Variants in DCC observed in about 807,000 individuals in gnomAD.
DCC encodes netrin receptor DCC.
Under a neutral mutation model 172.5 loss-of-function variants are expected in DCC, and 58 were observed. That is an observed-to-expected ratio of 0.34 (90% CI 0.27 to 0.42). DCC has a LOEUF of 0.42. Among genes scored for constraint, DCC ranks in the 10% least tolerant of loss-of-function variants. The pLI, the probability that DCC is intolerant of heterozygous loss-of-function variation, is 1.00. For missense variants in DCC, 1,740 were observed against 1,791.0 expected (o/e 0.97, Z 0.51); for synonymous variants, 709 against 644.5 (o/e 1.10, Z -1.52).
intron 13 of DCC, among the ~76,000 whole-genome samples, chr18:53,306,883 G>A (rs1303151279): frequency 6.6e-6 from 1 of 152,046 alleles, no homozygotes; most frequent in Non-Finnish European, 1.5e-5. Flanking sequence ...ACATAAACTG[G>A]GTCAGGACAA....
intron 1 of DCC, among the ~76,000 whole-genome samples, chr18:52,394,203 T>C (rs1385746942): frequency 6.6e-6 from 1 of 152,090 alleles, no homozygotes; most frequent in South Asian, 2.1e-4. Flanking sequence ...ATTGCTGTGT[T>C]GAATGACACT....
chr18:53,098,053 C>T (rs2144206361), intron 7 of DCC, among the ~76,000 whole-genome samples: 1 of 152,172 alleles, frequency 6.6e-6, no homozygotes, highest in East Asian at 1.9e-4. Flanking sequence ...CTAAAATGCC[C>T]CTGTTCTCTG....
chr18:53,375,947 C>G (rs191450287), intron 15 of DCC, among the ~76,000 whole-genome samples: 3 of 152,102 alleles, frequency 2.0e-5, no homozygotes, highest in Middle Eastern at 3.4e-3. Context: ...GAGGAGAAAA[C>G]CTGAACTTAA....
intron 12 of DCC, among the ~76,000 whole-genome samples, chr18:53,261,165 C>G (rs987090835): frequency 6.6e-6 from 1 of 152,170 alleles, no homozygotes; most frequent in Non-Finnish European, 1.5e-5. Context: ...TGAGGTGATG[C>G]CTCGCCCTGC....
At chr18:52,545,811 T>A (rs2032595869) in intron 1 of DCC, among the ~76,000 whole-genome samples, 1 of 152,066 alleles carries the variant, frequency 6.6e-6, no homozygotes, top group Non-Finnish European at 1.5e-5. Context: ...TATAAGGGAG[T>A]GTTGAATTCA....
chr18:52,933,913 T>C (rs1443129597), intron 5 of DCC, among the ~76,000 whole-genome samples: 3 of 151,954 alleles, frequency 2.0e-5, no homozygotes, highest in Admixed American at 6.6e-5. Context: ...TGGTGTCCGT[T>C]TGAGTGTGAA....
chr18:52,676,086 C>A (rs1256962615), intron 1 of DCC, among the ~76,000 whole-genome samples: 2 of 152,194 alleles, frequency 1.3e-5, no homozygotes, highest in Non-Finnish European at 2.9e-5. Flanking sequence ...TCAACTCTTG[C>A]TGTTTAGCAA....
intron 23 of DCC, among the ~76,000 whole-genome samples, chr18:53,455,045 T>C (rs1328074638): frequency 6.6e-6 from 1 of 152,212 alleles, no homozygotes; most frequent in Non-Finnish European, 1.5e-5. Context: ...TGGAAAAGAT[T>C]TGGAAAGAAA....
At chr18:52,498,260 G>T (rs767178116) in intron 1 of DCC, among the ~76,000 whole-genome samples, 17 of 152,014 alleles carry the variant, frequency 1.1e-4, no homozygotes, top group African/African-American at 1.7e-4. Flanking sequence ...ACCTTTCTTG[G>T]GTTGCCCTTG....
intron 8 of DCC, among the ~76,000 whole-genome samples, chr18:53,175,691 T>C (rs1483413475): frequency 2.6e-5 from 4 of 152,054 alleles, no homozygotes; most frequent in African/African-American, 9.7e-5. Context: ...TACAAACAAA[T>C]GGAAGAACAT....
chr18:52,673,683 G>T (rs1189962283), intron 1 of DCC, among the ~76,000 whole-genome samples: 1 of 152,186 alleles, frequency 6.6e-6, no homozygotes, highest in Non-Finnish European at 1.5e-5. Context: ...CATGGACCTT[G>T]ATGGTGTAAA....
intron 7 of DCC, among the ~76,000 whole-genome samples, chr18:53,092,977 T>TTA (rs1555710255): frequency 2.6e-5 from 4 of 151,774 alleles, no homozygotes; most frequent in East Asian, 1.9e-4. Context: ...CATTACTATT[T>TTA]AAAAAAAAGT....
intron 1 of DCC, among the ~76,000 whole-genome samples, chr18:52,739,845 T>C (rs1023180234): frequency 1.3e-5 from 2 of 152,166 alleles, no homozygotes; most frequent in Non-Finnish European, 2.9e-5. Context: ...TAAAAACTGC[T>C]CTATTAATCT....
In DCC at chr18:53,005,648, AAC is replaced by A. The variant is rs1226724868; in HGVS notation, c.986-57656_986-57655del. Among the ~76,000 whole-genome samples the A allele has an allele frequency of 2.0e-5, 3 of 152,304 alleles. No individual in the cohort carries two copies. In the East Asian group the frequency reaches 5.8e-4, roughly 29 times the overall value. Reference sequence around the variant, plus strand: ...GAGACTGAGCCAGGAGAATCGATTGAACCCCAGAGGTGGAGCTTGCAGTGAGC... The same window carrying A: ...GAGACTGAGCCAGGAGAATCGATTGACCCAGAGGTGGAGCTTGCAGTGAGC... On this transcript the variant is annotated intron_variant, in intron 5 of 28. Coordinates refer to ENST00000442544, the MANE Select transcript of DCC (RefSeq NM_005215.4).
intron 1 of DCC, among the ~76,000 whole-genome samples, chr18:52,428,838 C>A (rs186297041): frequency 1.3e-5 from 2 of 152,158 alleles, no homozygotes; most frequent in Non-Finnish European, 2.9e-5. Context: ...CCTGGAAACA[C>A]TGGTGAAATG....
intron 5 of DCC, among the ~76,000 whole-genome samples, chr18:52,987,843 C>T (rs2041319810): frequency 1.3e-5 from 2 of 152,204 alleles, no homozygotes; most frequent in African/African-American, 4.8e-5. Flanking sequence ...AAAATTATTT[C>T]CAAACTGTCT....
At chr18:52,417,746 T>C (rs1317554192) in intron 1 of DCC, among the ~76,000 whole-genome samples, 3 of 151,978 alleles carry the variant, frequency 2.0e-5, no homozygotes, top group Admixed American at 6.6e-5. Flanking sequence ...CACTTCTCTG[T>C]ATTGGTTATT....
At chr18:53,472,662 T>C (rs1476264039) in intron 25 of DCC, among the ~76,000 whole-genome samples, 1 of 152,168 alleles carries the variant, frequency 6.6e-6, no homozygotes, top group Non-Finnish European at 1.5e-5. Context: ...TTCTCAACTC[T>C]TTTATGTCTT....
intron 2 of DCC, among the ~76,000 whole-genome samples, chr18:52,783,040 G>A (rs1453896129): frequency 6.6e-6 from 1 of 152,014 alleles, no homozygotes; most frequent in Non-Finnish European, 1.5e-5. Flanking sequence ...GATTCCCAGT[G>A]TGTTAGATGT....
Sources: gnomAD v4.1 joint callset for allele counts (sites outside exome capture counted in the v4.1 genomes callset) on GRCh38, gnomAD v4.1.1 for gene constraint, MANE v1.5 for transcripts, NCBI Gene and HGNC (gene_info 2026-07-23, HGNC 2026-07-21) for gene names.